Variants in SCN7A observed in about 807,000 individuals in gnomAD.
SCN7A encodes sodium channel protein type 7 subunit alpha.
In SCN7A, 138 loss-of-function variants were observed where a neutral mutation model predicts 155.2. That is an observed-to-expected ratio of 0.89 (90% confidence interval 0.77 to 1.02). SCN7A has a LOEUF of 1.02. SCN7A is among the 50% of genes least tolerant of loss of function. SCN7A has a pLI of 0.00. For synonymous variants in SCN7A, 693 were observed against 649.0 expected, an observed-to-expected ratio of 1.07 and a Z score of -1.03; for missense variants, 2,058 against 1,986.6, an observed-to-expected ratio of 1.04 and a Z score of -0.68.
rs780347946 is a variant in SCN7A, at chr2:166,410,276, G to A, written c.3655C>T (p.Arg1219Cys). 4.2e-5 allele frequency: 65 copies of A among 1,555,976 alleles called. No individual in the cohort carries two copies. The highest frequency in any genetic ancestry group is 3.5e-4 in the Admixed American group (18 of 51,810). ...FITVKQRKQYRRLKKLMYEDS... is the reference protein window; with the variant it reads ...FITVKQRKQYCRLKKLMYEDS... ...TCATACATTAGCTTCTTCAGCCTGC[G>A]GTACTGTTTTCTCTGTTTAACCGTT... The change falls in exon 24 of 26, where the codon CGC (arginine) becomes TGC (cysteine). Residue 1219 changes from arginine (R) to cysteine (C), a missense_variant. Coordinates refer to ENST00000643258, the MANE Select transcript of SCN7A (RefSeq NM_002976.4).
At chr2:166,479,356 C>T (rs774598644) in intron 2 of SCN7A, among the ~76,000 whole-genome samples, 5 of 152,090 alleles carry the variant, frequency 3.3e-5, no homozygotes, top group African/African-American at 7.2e-5. Flanking sequence ...AAGTAAATGA[C>T]GGGCAGGATA....
At chr2:166,477,209 G>A (rs1479104245) in intron 3 of SCN7A, among the ~76,000 whole-genome samples, 1 of 151,682 alleles carries the variant, frequency 6.6e-6, no homozygotes, top group African/African-American at 2.4e-5. Flanking sequence ...CTTACATTAA[G>A]GCATACTAAT....
chr2:166,490,272 C>A (rs1356759623), intron 1 of SCN7A, among the ~76,000 whole-genome samples: 1 of 152,114 alleles, frequency 6.6e-6, no homozygotes, highest in African/African-American at 2.4e-5. Context: ...CCCTCATCCC[C>A]AGCCTCTGGA....
Position 166,415,314 on chromosome 2 carries a change from T to A in SCN7A, c.3414+1393A>T, listed in dbSNP as rs528715709. On this transcript the variant is annotated intron_variant, in intron 21 of 25. Transcript: ENST00000643258. ...ATCTCGGCTCACTGCAACCTCCGCC[T>A]CCTAGGTTCAAGGGATTCTCCTGCC... 2.0e-5 allele frequency among the ~76,000 whole-genome samples: 3 copies of A among 149,706 alleles called. No individual in the cohort carries two copies. In the East Asian group the frequency reaches 6.0e-4, roughly 30 times the overall value.
At chr2:166,484,902 T>C (rs1373311361) in intron 2 of SCN7A, among the ~76,000 whole-genome samples, 1 of 151,980 alleles carries the variant, frequency 6.6e-6, no homozygotes, top group Non-Finnish European at 1.5e-5. Flanking sequence ...CATGTCTATG[T>C]TTAAGAAGGA....
chr2:166,403,848 G>GT lies in SCN7A; in HGVS notation c.*1731dup, dbSNP rs958732925. On this transcript the variant is annotated 3_prime_UTR_variant, in exon 26 of 26. Transcript: ENST00000643258. The stretch of plus-strand genomic sequence containing the variant: ...ACGGAGCTTAGATAAAGCACCAGCT[G>GT]TCACATTGTCACCAAGTTAACACTG... 3 of 151,748 alleles carry GT rather than the reference G, an allele frequency of 2.0e-5. No homozygotes were observed. The highest frequency in any genetic ancestry group is 4.4e-5 in the Non-Finnish European group (3 of 67,904). The allele number at this position is 151,748 out of a possible 1,614,324, so 9.4% of individuals were successfully genotyped here.
intron 20 of SCN7A, among the ~76,000 whole-genome samples, chr2:166,420,143 A>G (rs911664943): frequency 6.6e-6 from 1 of 152,066 alleles, no homozygotes; most frequent in Non-Finnish European, 1.5e-5. Context: ...TAAAATACAT[A>G]TTTAAAATCA....
At chr2:166,429,974 ATT>A (rs1330673923) in intron 16 of SCN7A, among the ~76,000 whole-genome samples, 1 of 152,042 alleles carries the variant, frequency 6.6e-6, no homozygotes, top group East Asian at 1.9e-4. Context: ...ATTTAAAATT[ATT>A]TTCTCACAAT....
chr2:166,430,258 CT>C (rs201615988), intron 16 of SCN7A, among the ~76,000 whole-genome samples: 1 of 151,712 alleles, frequency 6.6e-6, no homozygotes, highest in Non-Finnish European at 1.5e-5. Flanking sequence ...AATTAGAAAG[CT>C]TTTTTTGCTT....
At chr2:166,450,170 G>C (rs1575037338) in intron 11 of SCN7A, among the ~76,000 whole-genome samples, 1 of 152,170 alleles carries the variant, frequency 6.6e-6, no homozygotes, top group East Asian at 1.9e-4. Context: ...GATGAACATG[G>C]ACGCAGCTGG....
intron 18 of SCN7A, among the ~76,000 whole-genome samples, chr2:166,424,063 T>C (rs146623641): frequency 2.3e-4 from 35 of 152,186 alleles, no homozygotes; most frequent in Middle Eastern, 3.4e-3. Flanking sequence ...TCAATATCAA[T>C]ATACATAAGA....
At chr2:166,466,490 G>A (rs371049060) in intron 7 of SCN7A, among the ~76,000 whole-genome samples, 22 of 151,976 alleles carry the variant, frequency 1.4e-4, no homozygotes, top group African/African-American at 4.8e-4. Context: ...ATTTATATCA[G>A]AATACTAATA....
intron 25 of SCN7A, 37 bp downstream of exon 25, chr2:166,409,625 ATAT>A (rs1214191705): frequency 3.7e-6 from 5 of 1,346,210 alleles, no homozygotes; most frequent in Admixed American, 3.0e-5. Context: ...ACTTGAATTA[ATAT>A]TATTATCAGT....
chr2:166,429,038 C>A, intron 17 of SCN7A, 131 bp downstream of exon 17: 3 of 569,012 alleles, frequency 5.3e-6, no homozygotes, highest in Non-Finnish European at 9.0e-6. Flanking sequence ...GACACTTGTA[C>A]ATTTAACATG....
At chr2:166,487,655 A>T (rs1418762602) in intron 1 of SCN7A, among the ~76,000 whole-genome samples, 1 of 152,232 alleles carries the variant, frequency 6.6e-6, no homozygotes, top group African/African-American at 2.4e-5. Context: ...CAAATGTTAG[A>T]TTAGCTTTGC....
intron 16 of SCN7A, among the ~76,000 whole-genome samples, chr2:166,430,384 T>A (rs1051829128): frequency 1.3e-5 from 2 of 152,010 alleles, no homozygotes; most frequent in Non-Finnish European, 2.9e-5. Context: ...TACTTTTATA[T>A]ATTCTTTATT....
rs2105390123 is a variant in SCN7A at position 166,421,290 on chromosome 2, C to A, written c.3035G>T (p.Cys1012Phe). 1.3e-5 allele frequency: 19 copies of A among 1,493,658 alleles called. No homozygotes were observed. Among genetic ancestry groups the A allele is most frequent in the Non-Finnish European group, 1.7e-5 (19 of 1,120,882 alleles). 92.5% of individuals were successfully genotyped at this position (1,493,658 alleles called of 1,614,324 possible). ...CCGAGTTTTGCCTATTAAGCTAAGA[C>A]AAAACACCTATATATTTTTTTTAAA... The part of the protein sequence containing the change: ...RLDFVVVIVF[C>F]LSLIGKTREE... The change falls in exon 20 of 26, where the codon TGT becomes TTT. Residue 1012 changes from cysteine (C) to phenylalanine (F), a missense_variant. By Grantham distance (205) the Cys-to-Phe change is radical. Transcript: ENST00000643258.
intron 20 of SCN7A, among the ~76,000 whole-genome samples, chr2:166,419,958 A>G (rs571426830): frequency 6.6e-6 from 1 of 152,156 alleles, no homozygotes; most frequent in Non-Finnish European, 1.5e-5. Context: ...TAAGAAACAG[A>G]TAGATCAGGC....
intron 2 of SCN7A, among the ~76,000 whole-genome samples, chr2:166,486,430 T>C (rs1438127279): frequency 6.6e-6 from 1 of 152,174 alleles, no homozygotes; most frequent in Non-Finnish European, 1.5e-5. Flanking sequence ...GTTGACCAGA[T>C]ATAACAGTGT....
Sources: allele counts gnomAD v4.1 joint callset (sites outside exome capture counted in the v4.1 genomes callset), GRCh38; gene constraint gnomAD v4.1.1; transcripts MANE v1.5; gene names NCBI Gene and HGNC (gene_info 2026-07-23, HGNC 2026-07-21).